The following PIGF variants were observed in gnomAD, a reference collection of about 807,000 sequenced individuals.
PIGF encodes phosphatidylinositol glycan anchor biosynthesis class F.
PIGF carries 23 observed loss-of-function variants against 26.0 expected under a neutral mutation model. The ratio of observed to expected loss-of-function variants is 0.88; its 90% CI spans 0.64 to 1.25. PIGF has a LOEUF of 1.25. Among genes scored for constraint, PIGF ranks in the 50% most tolerant of loss-of-function variants. The pLI is 0.00. For missense variants in PIGF, 278 were observed against 249.9 expected (o/e 1.11, Z -0.76); for synonymous variants, 93 against 92.6 (o/e 1.00, Z -0.03).
At chr2:46,598,681 A>C (rs1164327513) in intron 4 of PIGF, among the ~76,000 whole-genome samples, 3 of 152,044 alleles carry the variant, frequency 2.0e-5, no homozygotes, top group African/African-American at 4.8e-5. Flanking sequence ...CCATGGAGAG[A>C]AGAGTGGGAA....
Position 46,586,474 on chromosome 2 carries a change from T to G in PIGF, c.547-4883A>C, listed in dbSNP as rs112128538. Among the ~76,000 whole-genome samples the G allele has an allele frequency of 3.1e-3, 465 of 152,186 alleles. 5 individuals are homozygous for G. The highest frequency in any genetic ancestry group is 0.011 in the African/African-American group (439 of 41,514). On this transcript the variant is annotated intron_variant, in intron 5 of 5. Transcript: ENST00000281382. ...ATATTACTTATAATTTTGGGGGAGA[T>G]TTACACTGTCACAGATAACATGGAG...
intron 4 of PIGF, among the ~76,000 whole-genome samples, chr2:46,605,583 A>C (rs1031270725): frequency 6.6e-6 from 1 of 152,166 alleles, no homozygotes. Context: ...CCTGCAAAGT[A>C]CATATTAGTT....
chr2:46,587,969 G>T, intron 5 of PIGF: 1 of 888,596 alleles, frequency 1.1e-6, no homozygotes, highest in Middle Eastern at 2.4e-4. Flanking sequence ...GCTCTCATGT[G>T]AATCTTAAGT....
Position 46,588,605 on chromosome 2 carries a change from T to A in PIGF, c.546+3870A>T, listed in dbSNP as rs1418688057. 6.5e-6 allele frequency: 1 copy of A among 153,332 alleles called. No homozygotes were observed. The highest frequency in any genetic ancestry group is 1.5e-5 in the Non-Finnish European group (1 of 68,830). The allele number at this position is 153,332 out of a possible 1,614,324, so 9.5% of individuals were successfully genotyped here. ...TACCTGCCTACCCATTAATAAAACG[T>A]GAGTTTAAAAACCTCATGGTCAATT... On this transcript the variant is annotated intron_variant, in intron 5 of 5. Coordinates refer to ENST00000281382, the MANE Select transcript of PIGF (RefSeq NM_002643.4). The surrounding 1 kb of genome is among the most constrained non-coding windows in gnomAD (Gnocchi z 4.1).
rs541163336 is a variant in PIGF at position 46,591,151 on chromosome 2, C to G, written c.546+1324G>C. On this transcript the variant is annotated intron_variant, in intron 5 of 5. Coordinates refer to ENST00000281382, the MANE Select transcript of PIGF (RefSeq NM_002643.4). ...TAATAATAGTAAAATAGGAAATGAC[C>G]TAAATGTTCTTTAATAAAAAACTGG... Among the ~76,000 whole-genome samples, 673 of 152,088 alleles carry G rather than the reference C, an allele frequency of 4.4e-3. 5 individuals are homozygous for G. The highest frequency in any genetic ancestry group is 7.7e-3 in the Non-Finnish European group (522 of 67,972).
At chr2:46,594,207 T>G (rs1032681253) in intron 4 of PIGF, among the ~76,000 whole-genome samples, 4 of 152,210 alleles carry the variant, frequency 2.6e-5, no homozygotes, top group Non-Finnish European at 4.4e-5. Context: ...CCTAGGCCAA[T>G]TTTTGACTAC....
In PIGF at chr2:46,588,760, G is replaced by C. The variant is rs1669650710; in HGVS notation, c.546+3715C>G. On this transcript the variant is annotated intron_variant, in intron 5 of 5. Coordinates refer to ENST00000281382, the MANE Select transcript of PIGF (RefSeq NM_002643.4). The surrounding 1 kb of genome is among the most constrained non-coding windows in gnomAD (Gnocchi z 4.1). ...TCATAGCTACATATTCTATGAAATA[G>C]TTACAGCATATTAAATCTAAATCAC... 6.6e-6 allele frequency: 1 copy of C among 152,216 alleles called. No homozygotes were observed. Among genetic ancestry groups the C allele is most frequent in the Admixed American group, 6.5e-5 (1 of 15,268 alleles). The allele number at this position is 152,216 out of a possible 1,614,324, so 9.4% of individuals were successfully genotyped here. A position where few individuals can be genotyped will look rare whatever the true frequency, so the allele number is the denominator to read the frequency against.
In PIGF at chr2:46,615,088, A is replaced by G. The variant is rs762056909; in HGVS notation, c.77T>C (p.Ile26Thr). Residue 26 changes from isoleucine (I) to threonine (T), a missense_variant, in exon 2 of 6, where the codon ATT becomes ACT. Coordinates refer to ENST00000281382, the MANE Select transcript of PIGF (RefSeq NM_002643.4). ...CIFSIILSVF[I>T]PSLFLENFSI... ...GAAGTTCTCCAAGAAGAGTGATGGA[A>G]TGAAGACACTTAGGATAATTGAAAA... The G allele has an allele frequency of 1.3e-6, 2 of 1,586,840 alleles. No individual in the cohort carries two copies. The highest frequency in any genetic ancestry group is 1.1e-5 in the South Asian group (1 of 90,518).
In PIGF at chr2:46,610,044, A is replaced by G. The variant is rs1335430617; in HGVS notation, c.437+2184T>C. Among the ~76,000 whole-genome samples, 4 of 152,236 alleles carry G rather than the reference A, an allele frequency of 2.6e-5. No homozygotes were observed. The East Asian group carries it at 5.8e-4, about 22-fold the overall frequency. ...GAAGTACAATAAAGTGAGGAACAAT[A>G]AAATGAGGTATGCCTGTATTTTGTA... On this transcript the variant is annotated intron_variant, in intron 4 of 5. Coordinates refer to ENST00000281382, the MANE Select transcript of PIGF (RefSeq NM_002643.4).
intron 4 of PIGF, among the ~76,000 whole-genome samples, chr2:46,593,626 T>C (rs1669790578): frequency 6.6e-6 from 1 of 152,198 alleles, no homozygotes; most frequent in Admixed American, 6.5e-5. Flanking sequence ...TAGGTGTTAG[T>C]TTCAGCCTGG....
At chr2:46,594,742 G>T (rs1188217928) in intron 4 of PIGF, among the ~76,000 whole-genome samples, 3 of 151,676 alleles carry the variant, frequency 2.0e-5, no homozygotes, top group Non-Finnish European at 4.4e-5. Flanking sequence ...CACCATGTTG[G>T]CCAGGCTGGT....
At chr2:46,584,712 C>A (rs1052404068) in intron 5 of PIGF, among the ~76,000 whole-genome samples, 1 of 152,158 alleles carries the variant, frequency 6.6e-6, no homozygotes, top group Non-Finnish European at 1.5e-5. Flanking sequence ...TTTGTACTTA[C>A]AAGAGTACCT....
At chr2:46,591,350 G>A (rs1162615055) in intron 5 of PIGF, 3 of 170,094 alleles carry the variant, frequency 1.8e-5, no homozygotes, top group African/African-American at 2.4e-5. Flanking sequence ...AGCAAATGGA[G>A]GTTTCCTCTG....
At chr2:46,609,199 T>C (rs1349948023) in intron 4 of PIGF, among the ~76,000 whole-genome samples, 1 of 152,264 alleles carries the variant, frequency 6.6e-6, no homozygotes, top group East Asian at 1.9e-4. Flanking sequence ...TGCACTTTTA[T>C]GTGATGGCGA....
intron 4 of PIGF, among the ~76,000 whole-genome samples, chr2:46,605,345 T>C (rs1227680686): frequency 1.3e-5 from 2 of 152,106 alleles, no homozygotes; most frequent in African/African-American, 4.8e-5. Context: ...AAAGTTCAAA[T>C]TAACTTCACA....
Position 46,595,251 on chromosome 2 carries a change from A to G in PIGF, c.438-2668T>C, listed in dbSNP as rs571514536. On this transcript the variant is annotated intron_variant, in intron 4 of 5. Coordinates refer to ENST00000281382, the MANE Select transcript of PIGF (RefSeq NM_002643.4). ...ATCATCCCCAGACTCTTTAACCATT[A>G]CCAATCACTCTCCATTTCTCCTTCC... Among the ~76,000 whole-genome samples the G allele has an allele frequency of 2.0e-5, 3 of 152,266 alleles. No individual in the cohort carries two copies. The South Asian group carries it at 6.2e-4, about 31-fold the overall frequency.
At chr2:46,611,482 CAA>C (rs71397012) in intron 4 of PIGF, among the ~76,000 whole-genome samples, 12 of 125,590 alleles carry the variant, frequency 9.6e-5, no homozygotes, top group Admixed American at 7.9e-5. Flanking sequence ...GGTTCCATCT[CAA>C]AAAAAAAAAA....
At position 46,613,695 on chromosome 2, in the gene PIGF, C is replaced by G. The variant is rs1670500806; in HGVS notation, c.319G>C (p.Glu107Gln). ...IFVLYGAPLI[E>Q]LALETFLFAV... The stretch of plus-strand genomic sequence containing the variant: ...TTAGGGTAAAAATTTCAAACTTACT[C>G]TATCAGTGGTGCTCCATACAGAACA... Residue 107 changes from glutamate (E) to glutamine (Q), a missense_variant and splice_region_variant, in exon 3 of 6, where the codon GAG (glutamate) becomes CAG (glutamine). Physicochemically the swap from Glu to Gln is conservative, Grantham distance 29 (BLOSUM62 2). Transcript: ENST00000281382. 6.6e-6 allele frequency: 10 copies of G among 1,525,536 alleles called. No homozygotes were observed. Among genetic ancestry groups the G allele is most frequent in the Non-Finnish European group, 8.9e-6 (10 of 1,126,270 alleles). The allele number at this position is 1,525,536 out of a possible 1,614,324, so 94.5% of individuals were successfully genotyped here.
At chr2:46,581,757 A>G (rs1488256158) in intron 5 of PIGF, 166 bp from the exon 6 acceptor site, 1 of 990,896 alleles carries the variant, frequency 1.0e-6, no homozygotes, top group African/African-American at 1.7e-5. Flanking sequence ...AAAAATGTAC[A>G]CATTTTAGTT....
Sources: gnomAD v4.1 joint callset for allele counts (sites outside exome capture counted in the v4.1 genomes callset) on GRCh38, gnomAD v4.1.1 for gene constraint, Gnocchi (gnomAD v3.1) non-coding constraint, MANE v1.5 for transcripts, NCBI Gene and HGNC (gene_info 2026-07-23, HGNC 2026-07-21) for gene names.